The following RAB27B variants were observed in gnomAD, a reference collection of about 807,000 sequenced individuals.
The protein encoded by RAB27B is RAB27B, member RAS oncogene family, also known as ras-related protein Rab-27B.
A neutral mutation model predicts 24.6 loss-of-function variants in RAB27B; 15 were observed. The ratio of observed to expected loss-of-function variants is 0.61; its 90% CI spans 0.41 to 0.94. The LOEUF (loss-of-function observed/expected upper bound fraction) is 0.94. RAB27B is among the 40% of genes least tolerant of loss of function. RAB27B has a pLI of 0.00. For missense variants in RAB27B, 261 were observed against 266.8 expected, an observed-to-expected ratio of 0.98 and a Z score of 0.15; for synonymous variants, 105 against 92.5, an observed-to-expected ratio of 1.14 and a Z score of -0.78.
In RAB27B at chr18:54,890,879, AACATT is replaced by A. The variant is rs1286178088; in HGVS notation, c.*1473_*1477del. On this transcript the variant is annotated 3_prime_UTR_variant, in exon 6 of 6. Coordinates refer to ENST00000262094, the MANE Select transcript of RAB27B (RefSeq NM_004163.4). ...CCTATTCTGTTCTTGTGTCTAAACTAACATTACATTAATTTTTAATCTTAGTTTCT... is the reference window on the plus strand; with the variant it reads ...CCTATTCTGTTCTTGTGTCTAAACTAACATTAATTTTTAATCTTAGTTTCT... The A allele has an allele frequency of 1.3e-5, 2 of 152,152 alleles. No individual in the cohort carries two copies. Among genetic ancestry groups the A allele is most frequent in the South Asian group, 2.1e-4 (1 of 4,830 alleles). 9.4% of individuals were successfully genotyped at this position (152,152 alleles called of 1,614,324 possible).
At chr18:54,827,872 C>T (rs766830771), upstream of RAB27B, among the ~76,000 whole-genome samples, 10 of 152,154 alleles carry the variant, frequency 6.6e-5, no homozygotes, top group South Asian at 4.1e-4. Flanking sequence ...GTTTAGAACA[C>T]GGCATAGCAC....
intron 2 of RAB27B, among the ~76,000 whole-genome samples, chr18:54,778,241 C>A (rs568978844): frequency 1.3e-5 from 2 of 152,036 alleles, no homozygotes; most frequent in Admixed American, 1.3e-4. Context: ...TATTTATCAT[C>A]TTTTCTCCAA....
intron 2 of RAB27B, among the ~76,000 whole-genome samples, chr18:54,802,399 G>T (rs1285134238): frequency 6.6e-6 from 1 of 152,104 alleles, no homozygotes; most frequent in Non-Finnish European, 1.5e-5. Flanking sequence ...TTCAGTGCCT[G>T]CTCTTGTATC....
intron 2 of RAB27B, among the ~76,000 whole-genome samples, chr18:54,726,507 G>T (rs1335327039): frequency 6.6e-6 from 1 of 151,276 alleles, no homozygotes; most frequent in Non-Finnish European, 1.5e-5. Flanking sequence ...CTTCCTGTTC[G>T]CTAACATTCA....
rs766672373 is a variant in RAB27B, at chr18:54,877,725, G to C, written c.140G>C (p.Arg47Pro). The C allele has an allele frequency of 7.0e-6, 11 of 1,579,548 alleles. No individual in the cohort carries two copies. The South Asian group carries it at 1.3e-4, about 19-fold the overall frequency. Residue 47 changes from arginine to proline, a missense_variant, in exon 2 of 6, where the codon CGG becomes CCG. By Grantham distance (103) the Arg-to-Pro change is moderately radical (BLOSUM62 -2). Coordinates refer to ENST00000262094, the MANE Select transcript of RAB27B (RefSeq NM_004163.4). ...KFITTVGIDFREKRVVYNAQG... is the reference protein window; with the variant it reads ...KFITTVGIDFPEKRVVYNAQG... Reference sequence around the variant, plus strand: ...ATCACTACAGTAGGAATAGACTTTCGGGAAAAACGTGTGGTGAGTTTTTAA... The same window carrying C: ...ATCACTACAGTAGGAATAGACTTTCCGGAAAAACGTGTGGTGAGTTTTTAA...
intron 2 of RAB27B, among the ~76,000 whole-genome samples, chr18:54,812,104 T>C (rs1387326293): frequency 2.0e-5 from 3 of 152,212 alleles, no homozygotes; most frequent in African/African-American, 7.2e-5. Context: ...TACCTTTCTC[T>C]TGCTATTGTC....
intron 2 of RAB27B, among the ~76,000 whole-genome samples, chr18:54,815,919 T>C (rs1910107766): frequency 6.6e-6 from 1 of 152,174 alleles, no homozygotes; most frequent in Non-Finnish European, 1.5e-5. Flanking sequence ...CCACCATGCC[T>C]GGCCAGTATT....
chr18:54,888,724 TTTATGGAA>T lies in RAB27B; in HGVS notation c.468-499_468-492del, dbSNP rs138904106. ...GTAGTTTTATCATATCTGCCAATTT[TTTATGGAA>T]GAATTCTCCCTAAAAGCTGTACAAT... On this transcript the variant is annotated intron_variant, in intron 5 of 5. Transcript: ENST00000262094. Among the ~76,000 whole-genome samples, 629 of 152,310 alleles carry T rather than the reference TTTATGGAA, an allele frequency of 4.1e-3. 7 individuals carry two copies. The highest frequency in any genetic ancestry group is 0.015 in the African/African-American group (606 of 41,578).
rs2145304035 is a variant in RAB27B, at chr18:54,892,231, T to C, written c.*2818T>C. 1 of 152,150 alleles carries C rather than the reference T, an allele frequency of 6.6e-6. No individual in the cohort carries two copies. Among genetic ancestry groups the C allele is most frequent in the Non-Finnish European group, 1.5e-5 (1 of 67,962 alleles). The allele number at this position is 152,150 out of a possible 1,614,324, so 9.4% of individuals were successfully genotyped here. Reference sequence around the variant, plus strand: ...AAGCTCCTTTCTGATATAGAAACCATTTCTGGAGTATTTACACTGGTTTGA... The same window carrying C: ...AAGCTCCTTTCTGATATAGAAACCACTTCTGGAGTATTTACACTGGTTTGA... On this transcript the variant is annotated 3_prime_UTR_variant, in exon 6 of 6. Transcript: ENST00000262094.
rs567307548 is a variant in RAB27B, at chr18:54,838,795, T to C, written c.-20+10095T>C. 3.3e-5 allele frequency among the ~76,000 whole-genome samples: 5 copies of C among 152,268 alleles called. No individual in the cohort carries two copies. In the South Asian group the frequency reaches 1.0e-3, roughly 32 times the overall value. ...CTGATACAATCTTGTGGTCTTTAAT[T>C]TTTTTTCTTAAGCATTTGGCTACTT... On this transcript the variant is annotated intron_variant, in intron 1 of 5. Coordinates refer to ENST00000262094, the MANE Select transcript of RAB27B (RefSeq NM_004163.4).
At chr18:54,740,991 G>T (rs902162269) in intron 2 of RAB27B, among the ~76,000 whole-genome samples, 7 of 152,074 alleles carry the variant, frequency 4.6e-5, no homozygotes, top group Non-Finnish European at 8.8e-5. Context: ...TAGGTTTTTG[G>T]TCATGATGAT....
At chr18:54,734,564 G>GT (rs139571481) in intron 2 of RAB27B, among the ~76,000 whole-genome samples, 27,164 of 152,048 alleles carry the variant, frequency 0.18, 2,667 homozygotes, top group African/African-American at 0.25. Flanking sequence ...CTTGATCAAT[G>GT]TTTTCTCTGA....
At chr18:54,746,350 A>G (rs1910247598) in intron 2 of RAB27B, among the ~76,000 whole-genome samples, 1 of 152,170 alleles carries the variant, frequency 6.6e-6, no homozygotes, top group African/African-American at 2.4e-5. Context: ...TGTTACTGCT[A>G]TTGGGAGGAT....
rs1168724041 is a variant in RAB27B, at chr18:54,884,377, TC to T, written c.285del (p.Leu96TyrfsTer2). 1.2e-6 allele frequency: 2 copies of T among 1,613,040 alleles called. No individual in the cohort carries two copies. ...TTAFFRDAMG[F>X]LLMFDLTSQQ... ...GCATTTTTCAGAGACGCCATGGGCT[TC>T]TTATTAATGTTTGACCTCACCAGTC... On this transcript the variant is annotated frameshift_variant, in exon 4 of 6. Transcript: ENST00000262094. LOFTEE classifies it high-confidence loss of function.
intron 2 of RAB27B, among the ~76,000 whole-genome samples, chr18:54,722,397 G>A (rs1433445389): frequency 6.6e-6 from 1 of 152,152 alleles, no homozygotes; most frequent in Non-Finnish European, 1.5e-5. Context: ...GATGGGTGTT[G>A]ATTATGGTGC....
chr18:54,865,465 A>G (rs963364557), intron 1 of RAB27B, among the ~76,000 whole-genome samples: 1 of 152,196 alleles, frequency 6.6e-6, no homozygotes, highest in African/African-American at 2.4e-5. Flanking sequence ...GGATTTCATG[A>G]GGCCTTTAAC....
chr18:54,840,138 G>A (rs186421891), intron 1 of RAB27B, among the ~76,000 whole-genome samples: 1 of 152,274 alleles, frequency 6.6e-6, no homozygotes, highest in East Asian at 1.9e-4. Flanking sequence ...ATGAAGGTAA[G>A]ATTGTCTTCT....
intron 1 of RAB27B, among the ~76,000 whole-genome samples, chr18:54,836,777 G>GT (rs1910910629): frequency 6.6e-6 from 1 of 151,834 alleles, no homozygotes; most frequent in Non-Finnish European, 1.5e-5. Context: ...AACATGCATT[G>GT]TGCATAGTCA....
intron 2 of RAB27B, among the ~76,000 whole-genome samples, chr18:54,817,960 G>C (rs955702468): frequency 6.6e-6 from 1 of 152,090 alleles, no homozygotes; most frequent in African/African-American, 2.4e-5. Context: ...CGGCAAAATA[G>C]ATATGAGGTG....
Sources: allele counts gnomAD v4.1 joint callset (sites outside exome capture counted in the v4.1 genomes callset), GRCh38; gene constraint gnomAD v4.1.1; transcripts MANE v1.5; gene names NCBI Gene and HGNC (gene_info 2026-07-23, HGNC 2026-07-21).